The following BID variants were observed in gnomAD, a reference collection of about 807,000 sequenced individuals.
BID encodes BH3 interacting domain death agonist.
BID carries 19 observed loss-of-function variants against 17.4 expected under a neutral mutation model. The ratio of observed to expected loss-of-function variants is 1.09; its 90% confidence interval spans 0.76 to 1.60. The LOEUF (loss-of-function observed/expected upper bound fraction) is 1.60, where lower values mean the gene tolerates loss of function less well. BID is among the 40% of genes most tolerant of loss of function. The pLI is 0.00. For missense variants in BID, 226 were observed against 256.0 expected, an observed-to-expected ratio of 0.88 and a Z score of 0.80; for synonymous variants, 108 against 102.8, an observed-to-expected ratio of 1.05 and a Z score of -0.31.
Position 17,773,511 on chromosome 22 carries a change from A to C in BID, c.-59+870T>G. On this transcript the variant is annotated intron_variant, in intron 1 of 5. Transcript: ENST00000622694. This position sits in a 1 kb window ranked among gnomAD's most constrained non-coding sequence, Gnocchi z 4.4. ...GGGGGTGCAAGCCTGAGAAGGTGGA[A>C]GAGCTCTGGGTGGGTCCATCTGCTC... 1 of 1,240,234 alleles carries C rather than the reference A, an allele frequency of 8.1e-7. No individual in the cohort carries two copies. Among genetic ancestry groups the C allele is most frequent in the Admixed American group, 1.8e-5 (1 of 55,752 alleles). The allele number at this position is 1,240,234 out of a possible 1,614,324, so 76.8% of individuals were successfully genotyped here.
chr22:17,750,455 GC>G (rs1435361151), intron 1 of BID, among the ~76,000 whole-genome samples: 5 of 152,256 alleles, frequency 3.3e-5, no homozygotes, highest in East Asian at 1.9e-4. Flanking sequence ...GGGAAACGGG[GC>G]CGTGGGCTCA....
At chr22:17,758,085 G>A (rs551989476) in intron 1 of BID, among the ~76,000 whole-genome samples, 2,628 of 152,310 alleles carry the variant, frequency 0.017, 64 homozygotes, top group African/African-American at 0.058. Flanking sequence ...GGCCTCCTGG[G>A]GGGTCCTTGA....
Position 17,734,784 on chromosome 22 carries a change from A to G in BID, c.*796T>C, listed in dbSNP as rs2061408225. ...AGTAGCTTCTGGCACCCGTGGCTTC[A>G]TGTCTTTAGCAAAGTCTTGATGTCA... On this transcript the variant is annotated 3_prime_UTR_variant, in exon 6 of 6. Coordinates refer to ENST00000622694, the MANE Select transcript of BID (RefSeq NM_001196.4). 1 of 152,224 alleles carries G rather than the reference A, an allele frequency of 6.6e-6. No homozygotes were observed. The highest frequency in any genetic ancestry group is 2.1e-4 in the South Asian group (1 of 4,832). 9.4% of individuals were successfully genotyped at this position (152,224 alleles called of 1,614,324 possible).
intron 1 of BID, among the ~76,000 whole-genome samples, chr22:17,767,763 C>T (rs181557532): frequency 2.0e-5 from 3 of 152,252 alleles, no homozygotes; most frequent in East Asian, 1.9e-4. Context: ...GGAGAGAAAA[C>T]GGAGAAACAG....
chr22:17,773,772 C>G lies in BID; in HGVS notation c.-59+609G>C. ...GGCTTCAGAGCTCTCCCAGGGTCCC[C>G]TGGGGTCATTCAGCCACTCAACAGT... is the stretch of plus-strand genomic sequence containing the variant. On this transcript the variant is annotated intron_variant, in intron 1 of 5. Transcript: ENST00000622694. This position sits in a 1 kb window ranked among gnomAD's most constrained non-coding sequence, Gnocchi z 4.4. 7.4e-7 allele frequency: 1 copy of G among 1,349,264 alleles called. No individual in the cohort carries two copies. Among genetic ancestry groups the G allele is most frequent in the Non-Finnish European group, 1.0e-6 (1 of 973,504 alleles). The allele number at this position is 1,349,264 out of a possible 1,614,324, so 83.6% of individuals were successfully genotyped here.
At chr22:17,772,252 T>C (rs1349740132) in intron 1 of BID, among the ~76,000 whole-genome samples, 1 of 152,260 alleles carries the variant, frequency 6.6e-6, no homozygotes, top group Non-Finnish European at 1.5e-5. Context: ...GGCAAGGATA[T>C]ATGTGGCCGC....
At chr22:17,745,550 T>C (rs2061489656) in intron 2 of BID, among the ~76,000 whole-genome samples, 1 of 151,800 alleles carries the variant, frequency 6.6e-6, no homozygotes, top group Non-Finnish European at 1.5e-5. Flanking sequence ...CTCATGAGAC[T>C]GAGGCGGGAA....
chr22:17,740,816 G>A (rs186705663), intron 3 of BID: 1 of 152,840 alleles, frequency 6.5e-6, no homozygotes, highest in Non-Finnish European at 1.5e-5. Flanking sequence ...GACTCCTTGA[G>A]GCCAGGAATT....
chr22:17,742,730 A>C (rs2061469497), intron 3 of BID, among the ~76,000 whole-genome samples: 1 of 152,226 alleles, frequency 6.6e-6, no homozygotes, highest in Non-Finnish European at 1.5e-5. Context: ...AGCCTGATGC[A>C]GGCAGCTGGA....
intron 3 of BID, among the ~76,000 whole-genome samples, chr22:17,741,574 A>G (rs540391511): frequency 3.1e-4 from 47 of 151,960 alleles, no homozygotes; most frequent in Non-Finnish European, 5.9e-4. Flanking sequence ...CCCGGGTTCA[A>G]ACAATTCTCT....
At chr22:17,743,775 G>T (rs752491643) in intron 3 of BID, 28 bp downstream of exon 3, 2 of 1,588,494 alleles carry the variant, frequency 1.3e-6, no homozygotes, top group Admixed American at 3.5e-5. Context: ...GCCCAGCTTT[G>T]GGGAAGGAGG....
chr22:17,745,561 G>A (rs1188928711), intron 2 of BID, among the ~76,000 whole-genome samples: 1 of 152,022 alleles, frequency 6.6e-6, no homozygotes, highest in African/African-American at 2.4e-5. Flanking sequence ...GAGGCGGGAA[G>A]GTCACTTGAG....
At position 17,739,583 on chromosome 22, in the gene BID, C is replaced by T. The variant is rs2061443963; in HGVS notation, c.224-95G>A. On this transcript the variant is annotated intron_variant, in intron 3 of 5. Coordinates refer to ENST00000622694, the MANE Select transcript of BID (RefSeq NM_001196.4). ...ACCCTGCCCCGGGAAAGGACAGGTCCGCGATGGGACAAGGCCAGCCCCCAC... is the reference window on the plus strand; with the variant it reads ...ACCCTGCCCCGGGAAAGGACAGGTCTGCGATGGGACAAGGCCAGCCCCCAC... 3.4e-6 allele frequency: 5 copies of T among 1,485,906 alleles called. No homozygotes were observed. The Admixed American group carries it at 5.7e-5, about 17-fold the overall frequency. The allele number at this position is 1,485,906 out of a possible 1,614,324, so 92.0% of individuals were successfully genotyped here.
At chr22:17,765,675 C>T (rs2061673028) in intron 1 of BID, among the ~76,000 whole-genome samples, 1 of 152,094 alleles carries the variant, frequency 6.6e-6, no homozygotes, top group South Asian at 2.1e-4. Context: ...TGTATTATAG[C>T]TAATGCTGAT....
chr22:17,735,435 T>C lies in BID; in HGVS notation c.*145A>G. On this transcript the variant is annotated 3_prime_UTR_variant, in exon 6 of 6. Transcript: ENST00000622694. ...AAAGTGGGTTATAAGTTTAACATTG[T>C]CTTTAAAATAGAAGTCACAGCTATC... 1 of 838,816 alleles carries C rather than the reference T, an allele frequency of 1.2e-6. No homozygotes were observed. 52.0% of individuals were successfully genotyped at this position (838,816 alleles called of 1,614,324 possible). A position where few individuals can be genotyped will look rare whatever the true frequency, so the allele number is the denominator to read the frequency against.
intron 1 of BID, among the ~76,000 whole-genome samples, chr22:17,755,920 T>A (rs1284819644): frequency 6.6e-6 from 1 of 151,928 alleles, no homozygotes. Flanking sequence ...CAGGCAGGAG[T>A]ACAATGGCAC....
At chr22:17,739,588 T>C (rs2061444058) in intron 3 of BID, 100 bp from the exon 4 acceptor site, 1 of 1,469,370 alleles carries the variant, frequency 6.8e-7, no homozygotes, top group Non-Finnish European at 9.2e-7. Context: ...AGGTCCGCGA[T>C]GGGACAAGGC....
At chr22:17,754,035 CGGGGGT>C (rs2061561953) in intron 1 of BID, among the ~76,000 whole-genome samples, 2 of 149,826 alleles carry the variant, frequency 1.3e-5, no homozygotes, top group Admixed American at 6.7e-5. Flanking sequence ...CTCTGCCGGA[CGGGGGT>C]GACATTCCCC....
intron 1 of BID, among the ~76,000 whole-genome samples, chr22:17,767,900 A>C (rs2061690113): frequency 6.6e-6 from 1 of 152,268 alleles, no homozygotes. Context: ...AACCTGGGCA[A>C]CACAGTGAGA....
Sources: gnomAD v4.1 joint callset for allele counts (sites outside exome capture counted in the v4.1 genomes callset) on GRCh38, gnomAD v4.1.1 for gene constraint, Gnocchi (gnomAD v3.1) non-coding constraint, MANE v1.5 for transcripts, NCBI Gene and HGNC (gene_info 2026-07-23, HGNC 2026-07-21) for gene names.